The following HFM1 variants were observed in gnomAD, a reference collection of about 807,000 sequenced individuals.
HFM1 encodes helicase for meiosis 1, also known as probable ATP-dependent DNA helicase HFM1.
A neutral mutation model predicts 192.1 loss-of-function variants in HFM1; 169 were observed. The observed-to-expected ratio is 0.88, with a 90% confidence interval of 0.78 to 1.00. The LOEUF (loss-of-function observed/expected upper bound fraction) is 1.00. Ranked by LOEUF, HFM1 falls within the 50% of genes least tolerant of loss-of-function variation. HFM1 has a pLI of 0.00. For synonymous variants in HFM1, 525 were observed against 537.8 expected (o/e 0.98, Z 0.33); for missense variants, 1,661 against 1,668.0 (o/e 1.00, Z 0.07).
At position 91,353,152 on chromosome 1, in the gene HFM1, T is replaced by A; in HGVS notation, c.1730A>T (p.Asp577Val). 1 of 1,602,094 alleles carries A rather than the reference T, an allele frequency of 6.2e-7. No homozygotes were observed. The highest frequency in any genetic ancestry group is 8.5e-7 in the Non-Finnish European group (1 of 1,170,232). Residue 577 changes from aspartate (D) to valine (V), a missense_variant and splice_region_variant, in exon 15 of 39, where the codon GAT becomes GTT. Physicochemically the swap from Asp to Val is radical, Grantham distance 152. Coordinates refer to ENST00000370425, the MANE Select transcript of HFM1 (RefSeq NM_001017975.6). The part of the protein sequence containing the change: ...AYSVRDSKLR[D>V]ILKDGAAYHH... Reference sequence around the variant, plus strand: ...ATAAGCAGCACCATCTTTTAAGATATCTGTAATAGAAATATATCAGCTGTT... The same window carrying A: ...ATAAGCAGCACCATCTTTTAAGATAACTGTAATAGAAATATATCAGCTGTT...
intron 11 of HFM1, 23 bp downstream of exon 11, chr1:91,378,002 G>C (rs369959795): frequency 2.5e-6 from 4 of 1,598,726 alleles, no homozygotes; most frequent in Non-Finnish European, 3.4e-6. Context: ...AAACCTAAGA[G>C]CTCAGTTAAA....
chr1:91,383,975 G>A (rs1367155314), intron 6 of HFM1, among the ~76,000 whole-genome samples: 1 of 151,398 alleles, frequency 6.6e-6, no homozygotes, highest in African/African-American at 2.4e-5. Context: ...AAAGCTGGGG[G>A]AAAAAATAAA....
chr1:91,398,364 T>C (rs1008524931), intron 2 of HFM1, among the ~76,000 whole-genome samples: 2 of 152,244 alleles, frequency 1.3e-5, no homozygotes, highest in African/African-American at 2.4e-5. Flanking sequence ...TCTTACTGTA[T>C]ATTCCTTGTA....
chr1:91,270,927 T>C (rs966892398), intron 34 of HFM1, among the ~76,000 whole-genome samples: 2 of 152,182 alleles, frequency 1.3e-5, no homozygotes, highest in African/African-American at 2.4e-5. Flanking sequence ...ATTTTTGTTT[T>C]GATGAGAAAG....
intron 20 of HFM1, chr1:91,328,257 G>A (rs897953356): frequency 1.2e-5 from 8 of 640,588 alleles, no homozygotes; most frequent in Admixed American, 1.1e-4. Flanking sequence ...AGTGTCAGGC[G>A]ACCCGCAGCT....
chr1:91,264,361 ATTTTTTTTTTTTTTTT>A (rs71087940), intron 36 of HFM1, among the ~76,000 whole-genome samples: 2 of 57,058 alleles, frequency 3.5e-5, no homozygotes, highest in African/African-American at 1.6e-4. Flanking sequence ...CAAATTTAGT[ATTTTTTTTTTTTTTTT>A]TTTTTTTTTT....
At chr1:91,277,476 C>T (rs1314075388) in intron 30 of HFM1, among the ~76,000 whole-genome samples, 1 of 145,190 alleles carries the variant, frequency 6.9e-6, no homozygotes, top group Admixed American at 7.4e-5. Flanking sequence ...CTCTCAACCT[C>T]CCTGGTGTGT....
chr1:91,280,602 T>C (rs1285245318), intron 30 of HFM1, among the ~76,000 whole-genome samples: 1 of 152,262 alleles, frequency 6.6e-6, no homozygotes, highest in African/African-American at 2.4e-5. Context: ...ACCCTCGATC[T>C]TGCAGAAGAC....
At chr1:91,295,386 T>A (rs929472634) in intron 30 of HFM1, among the ~76,000 whole-genome samples, 1 of 152,166 alleles carries the variant, frequency 6.6e-6, no homozygotes, top group South Asian at 2.1e-4. Context: ...AGGGTTGGTA[T>A]CTCCTGAGGT....
intron 13 of HFM1, among the ~76,000 whole-genome samples, chr1:91,361,151 C>CA (rs1658446601): frequency 1.3e-5 from 2 of 151,100 alleles, no homozygotes; most frequent in African/African-American, 4.9e-5. Context: ...GAACCAAGAG[C>CA]AAACAAACCC....
chr1:91,276,683 G>C lies in HFM1; in HGVS notation c.3533C>G (p.Ser1178Cys), dbSNP rs576734052. 18 of 1,568,532 alleles carry C rather than the reference G, an allele frequency of 1.1e-5. No individual in the cohort carries two copies. In the East Asian group the frequency reaches 2.3e-4, roughly 20 times the overall value. Reference protein sequence around the residue: ...IKESTISSYLSDLRNRNAVSS... With the variant: ...IKESTISSYLCDLRNRNAVSS... Reference sequence around the variant, plus strand: ...AACAGCATTCCTGTTTCTTAAATCAGATAAATATGAAGAAATTGTTGACTC... The same window carrying C: ...AACAGCATTCCTGTTTCTTAAATCACATAAATATGAAGAAATTGTTGACTC... Residue 1178 changes from serine (S) to cysteine (C), a missense_variant, in exon 32 of 39, where the codon TCT becomes TGT. Ser to Cys is a moderately radical substitution (Grantham distance 112). Transcript: ENST00000370425.
intron 20 of HFM1, among the ~76,000 whole-genome samples, chr1:91,336,112 C>G (rs926339718): frequency 2.0e-5 from 3 of 149,974 alleles, no homozygotes; most frequent in Non-Finnish European, 4.5e-5. Context: ...CTTTCTCTGT[C>G]CCATCCTCCT....
At chr1:91,330,682 C>T (rs1653691087) in intron 20 of HFM1, among the ~76,000 whole-genome samples, 1 of 143,676 alleles carries the variant, frequency 7.0e-6, no homozygotes, top group African/African-American at 2.4e-5. Context: ...ATACCACAAC[C>T]AGACAAAGAC....
At chr1:91,392,040 C>A (rs1451640850) in intron 4 of HFM1, among the ~76,000 whole-genome samples, 1 of 152,160 alleles carries the variant, frequency 6.6e-6, no homozygotes, top group Non-Finnish European at 1.5e-5. Context: ...ATCAAAACCA[C>A]AATGAGATAC....
intron 29 of HFM1, 36 bp from the exon 30 acceptor site, chr1:91,313,531 T>G (rs768426769): frequency 1.4e-6 from 2 of 1,472,364 alleles, no homozygotes; most frequent in East Asian, 4.7e-5. Flanking sequence ...AATGTTTATT[T>G]GTCATATAAA....
chr1:91,327,989 T>C (rs1161052445), intron 20 of HFM1, among the ~76,000 whole-genome samples: 1 of 152,102 alleles, frequency 6.6e-6, no homozygotes, highest in Non-Finnish European at 1.5e-5. Flanking sequence ...GGAAAGTTTA[T>C]AGCTACAAGT....
intron 20 of HFM1, chr1:91,328,878 T>C (rs1570969456): frequency 6.2e-7 from 1 of 1,610,842 alleles, no homozygotes; most frequent in Admixed American, 1.7e-5. Flanking sequence ...TGTGCTGCCC[T>C]GGTGAAGGCT....
intron 30 of HFM1, among the ~76,000 whole-genome samples, chr1:91,291,090 T>C (rs564754766): frequency 6.6e-6 from 1 of 151,676 alleles, no homozygotes; most frequent in Non-Finnish European, 1.5e-5. Flanking sequence ...ATGCCCACAA[T>C]AGAAAGCAGA....
chr1:91,338,870 G>C, intron 20 of HFM1: 2 of 454,712 alleles, frequency 4.4e-6, no homozygotes, highest in South Asian at 3.1e-5. Context: ...ACATGAGTGC[G>C]TAACCTTCTG....
Sources: gnomAD v4.1 joint callset for allele counts (sites outside exome capture counted in the v4.1 genomes callset) on GRCh38, gnomAD v4.1.1 for gene constraint, MANE v1.5 for transcripts, NCBI Gene and HGNC (gene_info 2026-07-23, HGNC 2026-07-21) for gene names.